The following DTWD2 variants were observed in gnomAD, a reference collection of about 807,000 sequenced individuals.
DTWD2 encodes DTW motif tRNA-uridine aminocarboxypropyltransferase 2.
In DTWD2, 39 loss-of-function variants were observed where a neutral mutation model predicts 31.8. That is an observed-to-expected ratio of 1.22 (90% CI 0.95 to 1.60). The LOEUF is 1.60. DTWD2 is among the 40% of genes most tolerant of loss of function. The pLI is 0.00. For synonymous variants in DTWD2, 180 were observed against 142.8 expected (o/e 1.26, Z -1.86); for missense variants, 515 against 381.5 (o/e 1.35, Z -2.92).
chr5:118,854,351 C>T (rs966853251), intron 4 of DTWD2, among the ~76,000 whole-genome samples: 2 of 151,600 alleles, frequency 1.3e-5, no homozygotes, highest in Non-Finnish European at 1.5e-5. Flanking sequence ...AATCTGAAAA[C>T]CTTATGTCAA....
chr5:118,928,112 CA>C (rs1437573976), intron 4 of DTWD2, among the ~76,000 whole-genome samples: 1 of 151,818 alleles, frequency 6.6e-6, no homozygotes, highest in Non-Finnish European at 1.5e-5. Context: ...TAATGAATGA[CA>C]AAAAGTATTT....
intron 4 of DTWD2, among the ~76,000 whole-genome samples, chr5:118,871,604 A>C (rs989034948): frequency 2.6e-5 from 4 of 152,202 alleles, no homozygotes; most frequent in African/African-American, 9.6e-5. Context: ...TAATATTTTG[A>C]AAGGTATCTT....
At chr5:118,960,795 C>G (rs574890573) in intron 1 of DTWD2, among the ~76,000 whole-genome samples, 4 of 152,022 alleles carry the variant, frequency 2.6e-5, no homozygotes, top group Non-Finnish European at 2.9e-5. Flanking sequence ...GAGCTGGAGG[C>G]CATTATCCTA....
intron 4 of DTWD2, among the ~76,000 whole-genome samples, chr5:118,852,356 TAA>T (rs1171361443): frequency 5.9e-5 from 9 of 151,882 alleles, no homozygotes; most frequent in Admixed American, 5.9e-4. Flanking sequence ...ATAAGAGGAT[TAA>T]GAGATTAAAG....
chr5:118,898,529 G>C (rs1221252433), intron 4 of DTWD2, among the ~76,000 whole-genome samples: 3 of 151,646 alleles, frequency 2.0e-5, no homozygotes, highest in African/African-American at 7.3e-5. Context: ...CATGGTGGCG[G>C]GTGCCTGTAA....
intron 1 of DTWD2, among the ~76,000 whole-genome samples, chr5:118,949,816 G>C (rs1488906828): frequency 4.6e-5 from 7 of 152,156 alleles, no homozygotes; most frequent in Non-Finnish European, 8.8e-5. Context: ...TGTGGCTGTA[G>C]CCTAGGAATA....
intron 4 of DTWD2, among the ~76,000 whole-genome samples, chr5:118,915,548 G>A (rs1753555837): frequency 6.6e-6 from 1 of 151,912 alleles, no homozygotes; most frequent in South Asian, 2.1e-4. Flanking sequence ...CTAATTTTTT[G>A]TATTTTTAGT....
chr5:118,883,915 A>G (rs1234649467), intron 4 of DTWD2, among the ~76,000 whole-genome samples: 1 of 152,224 alleles, frequency 6.6e-6, no homozygotes, highest in Non-Finnish European at 1.5e-5. Flanking sequence ...TGGTGGGGCT[A>G]TGAACTTCAC....
chr5:118,886,276 T>C (rs1337753815), intron 4 of DTWD2, among the ~76,000 whole-genome samples: 2 of 152,254 alleles, frequency 1.3e-5, no homozygotes. Context: ...AGTTTACGGT[T>C]ATTGGAGATT....
At chr5:118,842,430 C>G (rs1222443772) in intron 5 of DTWD2, among the ~76,000 whole-genome samples, 1 of 152,158 alleles carries the variant, frequency 6.6e-6, no homozygotes, top group African/African-American at 2.4e-5. Flanking sequence ...GTAGGACAAG[C>G]ATCATGTGAC....
chr5:118,963,696 G>A (rs765631527), intron 1 of DTWD2, among the ~76,000 whole-genome samples: 1 of 152,118 alleles, frequency 6.6e-6, no homozygotes, highest in Non-Finnish European at 1.5e-5. Context: ...CCGAGTGATG[G>A]CACAGAGAGA....
chr5:118,848,900 T>G (rs913501837), intron 4 of DTWD2, among the ~76,000 whole-genome samples: 2 of 152,128 alleles, frequency 1.3e-5, no homozygotes, highest in Non-Finnish European at 2.9e-5. Flanking sequence ...GACTTAAGCA[T>G]AAAACCTAAA....
chr5:118,915,656 G>C (rs940042260), intron 4 of DTWD2, among the ~76,000 whole-genome samples: 2 of 152,172 alleles, frequency 1.3e-5, no homozygotes, highest in African/African-American at 2.4e-5. Context: ...TTACAGGCGT[G>C]AGCCACTACG....
chr5:118,964,235 AAT>A (rs1465888419), intron 1 of DTWD2, among the ~76,000 whole-genome samples: 106 of 152,012 alleles, frequency 7.0e-4, no homozygotes, highest in African/African-American at 2.5e-3. Context: ...AAAAAAAAAA[AAT>A]TTGCAGAATG....
intron 4 of DTWD2, among the ~76,000 whole-genome samples, chr5:118,885,238 G>C (rs1752834763): frequency 6.6e-6 from 1 of 151,622 alleles, no homozygotes; most frequent in Non-Finnish European, 1.5e-5. Context: ...CAGACCACAA[G>C]GTCAAGAGAT....
intron 4 of DTWD2, among the ~76,000 whole-genome samples, chr5:118,882,850 T>C (rs1752773255): frequency 6.6e-6 from 1 of 152,236 alleles, no homozygotes; most frequent in Non-Finnish European, 1.5e-5. Context: ...CACGAAGATA[T>C]CTGACATGCC....
chr5:118,939,098 T>G, intron 3 of DTWD2, 98 bp downstream of exon 3: 1 of 1,211,558 alleles, frequency 8.3e-7, no homozygotes, highest in Non-Finnish European at 1.1e-6. Flanking sequence ...TTCCACTCTT[T>G]AGACCATGAA....
At chr5:118,904,812 A>T (rs17144806) in intron 4 of DTWD2, among the ~76,000 whole-genome samples, 49,625 of 151,976 alleles carry the variant, frequency 0.33, 10,936 homozygotes, top group African/African-American at 0.63. Flanking sequence ...CCTCACCACT[A>T]TGGCTACTCC....
At chr5:118,871,183 G>A (rs544886136) in intron 4 of DTWD2, among the ~76,000 whole-genome samples, 52 of 152,152 alleles carry the variant, frequency 3.4e-4, no homozygotes, top group African/African-American at 1.2e-3. Flanking sequence ...CAATTCATTT[G>A]CATCTTTAGG....
Sources: gnomAD v4.1 joint callset for allele counts (sites outside exome capture counted in the v4.1 genomes callset) on GRCh38, gnomAD v4.1.1 for gene constraint, MANE v1.5 for transcripts, NCBI Gene and HGNC (gene_info 2026-07-23, HGNC 2026-07-21) for gene names.